PTPN14: variants seen among roughly 807,000 people sequenced by gnomAD.
PTPN14 encodes tyrosine-protein phosphatase non-receptor type 14.
PTPN14 carries 53 observed loss-of-function variants against 126.8 expected under a neutral mutation model. The observed-to-expected ratio is 0.42, with a 90% CI of 0.34 to 0.53. PTPN14 has a LOEUF of 0.53. Ranked by LOEUF, PTPN14 falls within the 20% of genes least tolerant of loss-of-function variation. The pLI, the probability that PTPN14 is intolerant of heterozygous loss-of-function variation, is 0.08. For synonymous variants in PTPN14, 630 were observed against 599.3 expected, an observed-to-expected ratio of 1.05 and a Z score of -0.75; for missense variants, 1,257 against 1,552.9, an observed-to-expected ratio of 0.81 and a Z score of 3.20.
intron 3 of PTPN14, among the ~76,000 whole-genome samples, chr1:214,441,578 G>C (rs1171183506): frequency 6.6e-6 from 1 of 152,168 alleles, no homozygotes; most frequent in Non-Finnish European, 1.5e-5. Flanking sequence ...CCAACGTCAA[G>C]ATTTTTTTTA....
chr1:214,370,204 C>T (rs1299604995), intron 16 of PTPN14, among the ~76,000 whole-genome samples: 5 of 149,472 alleles, frequency 3.3e-5, no homozygotes, highest in African/African-American at 9.8e-5. Flanking sequence ...GGCATAAACC[C>T]GGGAGGCGGA....
At chr1:214,426,251 A>G (rs143275429) in intron 3 of PTPN14, among the ~76,000 whole-genome samples, 27 of 152,236 alleles carry the variant, frequency 1.8e-4, no homozygotes, top group African/African-American at 5.8e-4. Context: ...CTCACTGCCC[A>G]AGAATCTAGT....
intron 1 of PTPN14, chr1:214,483,254 T>C (rs1291932075): frequency 6.2e-7 from 1 of 1,613,772 alleles, no homozygotes; most frequent in Non-Finnish European, 8.5e-7. Flanking sequence ...ATTACAAACA[T>C]TTTCATCTCT....
At position 214,465,035 on chromosome 1, in the gene PTPN14, GCCCCCC is replaced by G. The variant is rs1183571712; in HGVS notation, c.-154-84_-154-79del. 180 of 279,866 alleles carry G rather than the reference GCCCCCC, an allele frequency of 6.4e-4. 2 individuals carry two copies. The East Asian group carries it at 8.1e-3, about 13-fold the overall frequency. 17.3% of individuals were successfully genotyped at this position (279,866 alleles called of 1,614,324 possible). A position where few individuals can be genotyped will look rare whatever the true frequency, so the allele number is the denominator to read the frequency against. The stretch of plus-strand genomic sequence containing the variant: ...GGTACCATATTCCACACACACAGAA[GCCCCCC>G]CCCCCCCCCACCCCGCCAAACAGAT... On this transcript the variant is annotated intron_variant, in intron 1 of 18. Coordinates refer to ENST00000366956, the MANE Select transcript of PTPN14 (RefSeq NM_005401.5).
chr1:214,531,404 G>C (rs985435524), intron 1 of PTPN14: 2 of 151,644 alleles, frequency 1.3e-5, no homozygotes, highest in East Asian at 1.9e-4. Flanking sequence ...GATTTTTGAC[G>C]TTTCTCCGCC....
chr1:214,478,515 A>G (rs1660914915), intron 1 of PTPN14, among the ~76,000 whole-genome samples: 2 of 152,174 alleles, frequency 1.3e-5, no homozygotes, highest in South Asian at 4.1e-4. Flanking sequence ...CTCTTACACA[A>G]TCTTTGGATT....
chr1:214,534,738 A>ATAAATAAATAAG (rs2102475297), intron 1 of PTPN14, among the ~76,000 whole-genome samples: 2 of 151,988 alleles, frequency 1.3e-5, no homozygotes, highest in East Asian at 3.9e-4. Context: ...AAATAAATAA[A>ATAAATAAATAAG]TAAAAGACGG....
chr1:214,512,921 G>C (rs1357932147), intron 1 of PTPN14, among the ~76,000 whole-genome samples: 1 of 151,888 alleles, frequency 6.6e-6, no homozygotes, highest in African/African-American at 2.4e-5. Context: ...TGAACTCCTA[G>C]ACTCATGCGA....
intron 16 of PTPN14, among the ~76,000 whole-genome samples, chr1:214,370,019 G>A (rs140650190): frequency 0.01 from 1,546 of 152,326 alleles, 5 homozygotes; most frequent in Non-Finnish European, 0.016. Context: ...GGCGGCTCAC[G>A]CCTGTAATCG....
At chr1:214,503,527 T>C (rs1305431614) in intron 1 of PTPN14, among the ~76,000 whole-genome samples, 2 of 152,224 alleles carry the variant, frequency 1.3e-5, no homozygotes, top group African/African-American at 4.8e-5. Context: ...AAATTGGCAT[T>C]CTATTTTCAC....
intron 13 of PTPN14, among the ~76,000 whole-genome samples, chr1:214,380,761 A>G (rs1658453688): frequency 6.6e-6 from 1 of 152,198 alleles, no homozygotes; most frequent in African/African-American, 2.4e-5. Flanking sequence ...TAGTGAGGAG[A>G]GCAGAGAAGT....
chr1:214,486,028 G>T (rs1201604381), intron 1 of PTPN14, among the ~76,000 whole-genome samples: 2 of 152,110 alleles, frequency 1.3e-5, no homozygotes, highest in African/African-American at 4.8e-5. Flanking sequence ...ACCCGGCCTA[G>T]TCTTTTATAT....
At chr1:214,361,059 C>A (rs1657944616) in intron 18 of PTPN14, among the ~76,000 whole-genome samples, 1 of 152,138 alleles carries the variant, frequency 6.6e-6, no homozygotes, top group Admixed American at 6.5e-5. Flanking sequence ...CTGAGGCCTC[C>A]CAGCCATGCT....
intron 5 of PTPN14, among the ~76,000 whole-genome samples, chr1:214,404,213 C>G (rs1037873898): frequency 6.6e-6 from 1 of 152,192 alleles, no homozygotes; most frequent in African/African-American, 2.4e-5. Flanking sequence ...CTGGAAAGCA[C>G]AGACATAAAT....
At chr1:214,485,088 T>C (rs918503878) in intron 1 of PTPN14, among the ~76,000 whole-genome samples, 1 of 152,330 alleles carries the variant, frequency 6.6e-6, no homozygotes, top group Middle Eastern at 3.4e-3. Context: ...ATAGAAAGCA[T>C]TGAGCTGAGT....
chr1:214,376,737 A>T (rs1301036994), intron 14 of PTPN14, among the ~76,000 whole-genome samples: 1 of 152,184 alleles, frequency 6.6e-6, no homozygotes, highest in African/African-American at 2.4e-5. Flanking sequence ...AGAGACTGTT[A>T]ATCTTAATTA....
intron 5 of PTPN14, among the ~76,000 whole-genome samples, chr1:214,404,690 C>T (rs995867539): frequency 3.3e-5 from 5 of 152,154 alleles, no homozygotes; most frequent in Non-Finnish European, 5.9e-5. Context: ...AGGGAGAGTG[C>T]GAGCATGGCC....
chr1:214,516,805 C>T (rs950107207), intron 1 of PTPN14, among the ~76,000 whole-genome samples: 5 of 152,114 alleles, frequency 3.3e-5, no homozygotes. Context: ...AAATTCTAAT[C>T]TTTACAAACA....
At chr1:214,403,343 A>G (rs1184521618) in intron 5 of PTPN14, among the ~76,000 whole-genome samples, 1 of 152,226 alleles carries the variant, frequency 6.6e-6, no homozygotes, top group African/African-American at 2.4e-5. Flanking sequence ...TCATCCCTTC[A>G]AAAGTTGAGC....
Sources: gnomAD v4.1 joint callset for allele counts (sites outside exome capture counted in the v4.1 genomes callset) on GRCh38, gnomAD v4.1.1 for gene constraint, MANE v1.5 for transcripts, NCBI Gene and HGNC (gene_info 2026-07-23, HGNC 2026-07-21) for gene names.